PIEZO2: variants seen among roughly 807,000 people sequenced by gnomAD.
PIEZO2 encodes piezo type mechanosensitive ion channel component 2, also known as piezo-type mechanosensitive ion channel component 2.
In PIEZO2, 172 loss-of-function variants were observed where a neutral mutation model predicts 337.3. The ratio of observed to expected loss-of-function variants is 0.51; its 90% confidence interval spans 0.45 to 0.58. The LOEUF (loss-of-function observed/expected upper bound fraction) is 0.58, where lower values mean the gene tolerates loss of function less well. PIEZO2 is among the 20% of genes least tolerant of loss of function. The pLI is 0.00. For missense variants in PIEZO2, 3,028 were observed against 3,391.3 expected, an observed-to-expected ratio of 0.89 and a Z score of 2.66; for synonymous variants, 1,251 against 1,228.5, an observed-to-expected ratio of 1.02 and a Z score of -0.38.
Position 10,952,383 on chromosome 18 carries a change from TC to T in PIEZO2, c.286+27151del, listed in dbSNP as rs11284830. 0.14 allele frequency among the ~76,000 whole-genome samples: 21,141 copies of T among 152,128 alleles called. 2,454 individuals are homozygous for T. Among genetic ancestry groups the T allele is most frequent in the African/African-American group, 0.31 (13,001 of 41,454 alleles). ...CTCCATGGTCATTGTAGTCAGCCAC[TC>T]CCCTGATCCTCCACCCCATGGTGAG... is the stretch of plus-strand genomic sequence containing the variant. On this transcript the variant is annotated intron_variant, in intron 3 of 55. Coordinates refer to ENST00000674853, the MANE Select transcript of PIEZO2 (RefSeq NM_001378183.1). The surrounding 1 kb of genome is among the most constrained non-coding windows in gnomAD (Gnocchi z 4.1).
intron 3 of PIEZO2, among the ~76,000 whole-genome samples, chr18:10,927,667 T>C (rs538707158): frequency 6.6e-6 from 1 of 152,236 alleles, no homozygotes; most frequent in African/African-American, 2.4e-5. Context: ...TCTATATATA[T>C]ATAGTGTTTT....
intron 7 of PIEZO2, among the ~76,000 whole-genome samples, chr18:10,841,882 C>G (rs532869285): frequency 6.6e-6 from 1 of 152,166 alleles, no homozygotes; most frequent in African/African-American, 2.4e-5. Flanking sequence ...GTTGGTGCAA[C>G]GCAGGGCGTG....
chr18:11,011,835 A>AG (rs2035914262), intron 2 of PIEZO2, among the ~76,000 whole-genome samples: 4 of 152,084 alleles, frequency 2.6e-5, no homozygotes, highest in Admixed American at 2.6e-4. Flanking sequence ...GAACCACATG[A>AG]CCAGGTGCAG....
chr18:11,051,364 T>G (rs1388123879), intron 2 of PIEZO2, among the ~76,000 whole-genome samples: 2 of 151,856 alleles, frequency 1.3e-5, no homozygotes, highest in East Asian at 1.9e-4. Context: ...TGTGTGTGTG[T>G]GTGTGGGTGT....
chr18:10,789,100 C>G lies in PIEZO2; in HGVS notation c.2148G>C (p.Leu716=). 1 of 1,537,088 alleles carries G rather than the reference C, an allele frequency of 6.5e-7. No individual in the cohort carries two copies. Among genetic ancestry groups the G allele is most frequent in the Non-Finnish European group, 8.7e-7 (1 of 1,146,794 alleles). ...MYKIIYMVLF[L]FCVALYQVHY... ...CTACCTGGTATAGGGCCACACAGAACAGGAACAGCACCATGTAGATGATTT... is the reference window on the plus strand; with the variant it reads ...CTACCTGGTATAGGGCCACACAGAAGAGGAACAGCACCATGTAGATGATTT... Residue 716 remains leucine (L), a synonymous_variant, in exon 15 of 56, where the codon CTG becomes CTC. Transcript: ENST00000674853.
At position 10,953,121 on chromosome 18, in the gene PIEZO2, T is replaced by C. The variant is rs72865379; in HGVS notation, c.286+26414A>G. On this transcript the variant is annotated intron_variant, in intron 3 of 55. Coordinates refer to ENST00000674853, the MANE Select transcript of PIEZO2 (RefSeq NM_001378183.1). The surrounding 1 kb of genome is among the most constrained non-coding windows in gnomAD (Gnocchi z 5.2). ...CTTAGTATTGAGTTTTAAGAGTTCT[T>C]CATAAATACTGGATACAAGTCCTTA... 2.0e-5 allele frequency among the ~76,000 whole-genome samples: 3 copies of C among 152,344 alleles called. No homozygotes were observed. Among genetic ancestry groups the C allele is most frequent in the Non-Finnish European group, 4.4e-5 (3 of 68,034 alleles).
chr18:10,731,100 T>C (rs1232919876), intron 36 of PIEZO2, among the ~76,000 whole-genome samples: 1 of 150,674 alleles, frequency 6.6e-6, no homozygotes, highest in African/African-American at 2.4e-5. Context: ...TATTACTTAA[T>C]ATCCATGTAA....
intron 2 of PIEZO2, among the ~76,000 whole-genome samples, chr18:11,007,572 C>T (rs2035765041): frequency 6.6e-6 from 1 of 151,992 alleles, no homozygotes; most frequent in African/African-American, 2.4e-5. Flanking sequence ...GCAGTATAGT[C>T]AAATTACTGA....
At chr18:10,760,836 T>C in intron 24 of PIEZO2, 75 bp downstream of exon 24, 1 of 1,243,682 alleles carries the variant, frequency 8.0e-7, no homozygotes, top group Admixed American at 2.2e-5. Context: ...AAAGTTCCAG[T>C]GGCCAATTGG....
chr18:10,782,392 TATAA>T (rs1475407929), intron 17 of PIEZO2, among the ~76,000 whole-genome samples: 2 of 86,938 alleles, frequency 2.3e-5, no homozygotes, highest in Admixed American at 1.8e-4. Flanking sequence ...TATAATTATA[TATAA>T]ATAATTATAT....
chr18:10,984,699 C>T (rs2034801042), intron 2 of PIEZO2, among the ~76,000 whole-genome samples: 1 of 152,044 alleles, frequency 6.6e-6, no homozygotes, highest in Non-Finnish European at 1.5e-5. Context: ...AGAAAACTTT[C>T]CAACCCTGTA....
chr18:11,090,347 C>CA (rs551913602), intron 1 of PIEZO2, among the ~76,000 whole-genome samples: 235 of 151,874 alleles, frequency 1.5e-3, no homozygotes, highest in South Asian at 2.9e-3. Context: ...AACTGCTGGG[C>CA]AAAAAAACAA....
At chr18:11,044,265 C>A (rs2037227204) in intron 2 of PIEZO2, among the ~76,000 whole-genome samples, 1 of 151,130 alleles carries the variant, frequency 6.6e-6, no homozygotes, top group African/African-American at 2.4e-5. Flanking sequence ...CAAATAAAGT[C>A]TTTTCAAAAT....
intron 1 of PIEZO2, among the ~76,000 whole-genome samples, chr18:11,136,826 T>C (rs1209350645): frequency 6.6e-6 from 1 of 152,218 alleles, no homozygotes; most frequent in East Asian, 1.9e-4. Flanking sequence ...TGAGATCTCA[T>C]AGTCTACAAT....
At chr18:10,955,083 A>G (rs72865387) in intron 3 of PIEZO2, among the ~76,000 whole-genome samples, 32,433 of 152,118 alleles carry the variant, frequency 0.21, 3,555 homozygotes, top group Non-Finnish European at 0.24. Context: ...GAGGCAAAGG[A>G]AAGCCGAGAG....
chr18:10,697,041 G>A (rs1037492614), intron 45 of PIEZO2, among the ~76,000 whole-genome samples: 1 of 152,134 alleles, frequency 6.6e-6, no homozygotes, highest in African/African-American at 2.4e-5. Context: ...CAACGCCCCT[G>A]CTCCTCCTGT....
intron 4 of PIEZO2, among the ~76,000 whole-genome samples, chr18:10,891,042 T>C (rs924786055): frequency 2.0e-5 from 3 of 152,114 alleles, no homozygotes; most frequent in African/African-American, 7.2e-5. Flanking sequence ...AAACAGAAAG[T>C]GCATTGCTGG....
Position 10,686,102 on chromosome 18 carries a change from C to G in PIEZO2, c.7497+3553G>C, listed in dbSNP as rs539972379. ...GAAATTATCCTCTGGGCTTGCTTCT[C>G]TTTTGAACTAATTATCTCTCTGTGC... On this transcript the variant is annotated intron_variant, in intron 49 of 55. Coordinates refer to ENST00000674853, the MANE Select transcript of PIEZO2 (RefSeq NM_001378183.1). 3.7e-4 allele frequency among the ~76,000 whole-genome samples: 56 copies of G among 152,328 alleles called. No homozygotes were observed. In the South Asian group the frequency reaches 0.011, roughly 29 times the overall value.
In PIEZO2 at chr18:10,828,139, TG is replaced by T. The variant is rs1383366781; in HGVS notation, c.918-20866del. Among the ~76,000 whole-genome samples, 670 of 89,566 alleles carry T rather than the reference TG, an allele frequency of 7.5e-3. 1 individual carries two copies. The highest frequency in any genetic ancestry group is 8.0e-3 in the Non-Finnish European group (387 of 48,506). 58.8% of individuals were successfully genotyped at this position (89,566 alleles called of 152,430 possible). ...CGGTTTTTTTTTGTTTGTTTGTTTT[TG>T]TTTTTTTTTTTTTTTACAGTAAAAC... On this transcript the variant is annotated intron_variant, in intron 7 of 55. Coordinates refer to ENST00000674853, the MANE Select transcript of PIEZO2 (RefSeq NM_001378183.1). The surrounding 1 kb of genome is among the most constrained non-coding windows in gnomAD (Gnocchi z 4.1).
Sources: gnomAD v4.1 joint callset for allele counts (sites outside exome capture counted in the v4.1 genomes callset) on GRCh38, gnomAD v4.1.1 for gene constraint, Gnocchi (gnomAD v3.1) non-coding constraint, MANE v1.5 for transcripts, NCBI Gene and HGNC (gene_info 2026-07-23, HGNC 2026-07-21) for gene names.